Variants in KMT2A observed in about 807,000 individuals in gnomAD.
The protein encoded by KMT2A is lysine methyltransferase 2A.
Under a neutral mutation model 345.3 loss-of-function variants are expected in KMT2A, and 16 were observed. That is an observed-to-expected ratio of 0.05 (90% CI 0.03 to 0.07). The LOEUF (loss-of-function observed/expected upper bound fraction) is 0.07. Ranked by LOEUF, KMT2A falls within the 10% of genes least tolerant of loss-of-function variation. The probability of loss-of-function intolerance (pLI) is 1.00; values close to 1 mark genes in which losing one functional copy is unlikely to be tolerated. For synonymous variants in KMT2A, 1,599 were observed against 1,778.6 expected (o/e 0.90, Z 2.54); for missense variants, 3,272 against 4,841.6 (o/e 0.68, Z 9.62).
rs1307472002 is a variant in KMT2A at position 118,495,001 on chromosome 11, T to C, written c.5363+234T>C. Among the ~76,000 whole-genome samples the C allele has an allele frequency of 6.6e-6, 1 of 152,194 alleles. No homozygotes were observed. The highest frequency in any genetic ancestry group is 1.5e-5 in the Non-Finnish European group (1 of 68,044). ...GGGAGCTTGGTTTAATTGTGACAAA[T>C]GTACAATACATGTGTGGTACAGCCA... is the stretch of plus-strand genomic sequence containing the variant. On this transcript the variant is annotated intron_variant, in intron 18 of 35. Transcript: ENST00000534358. This position sits in a 1 kb window ranked among gnomAD's most constrained non-coding sequence, Gnocchi z 4.1.
At chr11:118,459,791 A>G (rs1197375815) in intron 1 of KMT2A, among the ~76,000 whole-genome samples, 1 of 147,794 alleles carries the variant, frequency 6.8e-6, no homozygotes, top group Non-Finnish European at 1.5e-5. Context: ...GGTTCAAGCA[A>G]TTCTCCTTCC....
At chr11:118,501,882 G>A in intron 26 of KMT2A, 25 bp downstream of exon 26, 1 of 1,562,870 alleles carries the variant, frequency 6.4e-7, no homozygotes, top group Middle Eastern at 1.7e-4. Context: ...TGACCTACTT[G>A]ACCTAAGAAG....
Position 118,484,416 on chromosome 11 carries a change from G to T in KMT2A, c.4218+102G>T. ...TTGAAAGAGGAAATCAGCACCAACT[G>T]GGGGAATGAATAAGAACTCCCATTA... On this transcript the variant is annotated intron_variant, in intron 9 of 35. Transcript: ENST00000534358. This position sits in a 1 kb window ranked among gnomAD's most constrained non-coding sequence, Gnocchi z 4.1. 1 of 1,254,706 alleles carries T rather than the reference G, an allele frequency of 8.0e-7. No homozygotes were observed. 77.7% of individuals were successfully genotyped at this position (1,254,706 alleles called of 1,614,324 possible).
At position 118,525,463 on chromosome 11, in the gene KMT2A, A is replaced by G. The variant is rs573640982; in HGVS notation, c.*3291A>G. ...CCCCTCTGTTTTTACACCAATAACAAGAATTAAGGGGGAAGCCCTGGCAGC... is the reference window on the plus strand; with the variant it reads ...CCCCTCTGTTTTTACACCAATAACAGGAATTAAGGGGGAAGCCCTGGCAGC... On this transcript the variant is annotated 3_prime_UTR_variant, in exon 36 of 36. Coordinates refer to ENST00000534358, the MANE Select transcript of KMT2A (RefSeq NM_001197104.2). The G allele has an allele frequency of 4.4e-6, 1 of 228,028 alleles. No individual in the cohort carries two copies. Among genetic ancestry groups the G allele is most frequent in the East Asian group, 6.3e-5 (1 of 15,946 alleles). The allele number at this position is 228,028 out of a possible 1,614,324, so 14.1% of individuals were successfully genotyped here.
chr11:118,482,130 A>G (rs550762734), intron 7 of KMT2A, 38 bp downstream of exon 7: 7 of 1,554,076 alleles, frequency 4.5e-6, no homozygotes, highest in East Asian at 4.5e-5. Flanking sequence ...CTGAACCACA[A>G]GTACTAACAA....
chr11:118,485,799 A>G (rs1555040709), intron 10 of KMT2A, among the ~76,000 whole-genome samples: 1 of 152,188 alleles, frequency 6.6e-6, no homozygotes, highest in East Asian at 1.9e-4. Context: ...CATAGGGCAT[A>G]TAGCTGGGCA....
intron 1 of KMT2A, among the ~76,000 whole-genome samples, chr11:118,457,521 T>C (rs1949669070): frequency 1.3e-5 from 2 of 152,006 alleles, no homozygotes; most frequent in South Asian, 4.2e-4. Flanking sequence ...TCCACCTGCG[T>C]TGGCCTCCCA....
Position 118,436,508 on chromosome 11 carries a change from C to A in KMT2A, c.-5C>A. 2 of 1,262,042 alleles carry A rather than the reference C, an allele frequency of 1.6e-6. No homozygotes were observed. The highest frequency in any genetic ancestry group is 3.0e-5 in the East Asian group (1 of 32,912). The allele number at this position is 1,262,042 out of a possible 1,614,324, so 78.2% of individuals were successfully genotyped here. ...CCTCTCGCTGCTTCACTTCACGGGGCGAACATGGCGCACAGCTGTCGGTGG... is the reference window on the plus strand; with the variant it reads ...CCTCTCGCTGCTTCACTTCACGGGGAGAACATGGCGCACAGCTGTCGGTGG... On this transcript the variant is annotated 5_prime_UTR_variant, in exon 1 of 36. Transcript: ENST00000534358. The surrounding 1 kb of genome is among the most constrained non-coding windows in gnomAD (Gnocchi z 6.9).
In KMT2A at chr11:118,473,525, C is replaced by T. The variant is rs1389171483; in HGVS notation, c.2366C>T (p.Thr789Ile). The T allele has an allele frequency of 1.2e-6, 2 of 1,614,060 alleles. No homozygotes were observed. Among genetic ancestry groups the T allele is most frequent in the African/African-American group, 2.7e-5 (2 of 74,936 alleles). The change falls in exon 3 of 36, where the codon ACT becomes ATT. Residue 789 changes from threonine to isoleucine, a missense_variant. Transcript: ENST00000534358. The surrounding 1 kb of genome is among the most constrained non-coding windows in gnomAD (Gnocchi z 5.2). ...AGCATTTCTGTTAGTCCTCTTGCCA[C>T]TAGTGCCTTAAACCCAACTTTTACT... Reference protein sequence around the residue: ...SLSISVSPLATSALNPTFTFP... With the variant: ...SLSISVSPLAISALNPTFTFP...
At position 118,523,647 on chromosome 11, in the gene KMT2A, G is replaced by A. The variant is rs181226207; in HGVS notation, c.*1475G>A. On this transcript the variant is annotated 3_prime_UTR_variant, in exon 36 of 36. Transcript: ENST00000534358. ...TTATGACAAGGCTATTTTTTAAACCGCGGTATTATCCTAATTTAAAAGAAG... is the reference window on the plus strand; with the variant it reads ...TTATGACAAGGCTATTTTTTAAACCACGGTATTATCCTAATTTAAAAGAAG... 1.7e-4 allele frequency: 38 copies of A among 227,716 alleles called. No homozygotes were observed. Among genetic ancestry groups the A allele is most frequent in the Admixed American group, 1.1e-3 (20 of 17,580 alleles). The allele number at this position is 227,716 out of a possible 1,614,324, so 14.1% of individuals were successfully genotyped here.
At chr11:118,447,790 G>T in intron 1 of KMT2A, 1 of 262,872 alleles carries the variant, frequency 3.8e-6, no homozygotes, top group Admixed American at 4.9e-5. Context: ...CCATTATTAG[G>T]AATGGTAACC....
rs2134270436 is a variant in KMT2A, at chr11:118,473,732, T to C, written c.2573T>C (p.Leu858Pro). 1 of 1,613,994 alleles carries C rather than the reference T, an allele frequency of 6.2e-7. No homozygotes were observed. Among genetic ancestry groups the C allele is most frequent in the South Asian group, 1.1e-5 (1 of 91,072 alleles). ...AATAAAGACAAGGCCCCCGAGGAGC[T>C]GTCCAAAGATCGAGATGCTGACAAG... ...GRNKDKAPEE[L>P]SKDRDADKSV... Residue 858 changes from leucine (L) to proline (P), a missense_variant, in exon 3 of 36, where the codon CTG becomes CCG. By Grantham distance (98) the Leu-to-Pro change is moderately conservative. Around this residue, in one of 27 missense-constraint regions of KMT2A, gnomAD observed 209 missense variants for 237.4 expected, o/e 0.88. Coordinates refer to ENST00000534358, the MANE Select transcript of KMT2A (RefSeq NM_001197104.2). The surrounding 1 kb of genome is among the most constrained non-coding windows in gnomAD (Gnocchi z 5.2).
Position 118,484,939 on chromosome 11 carries a change from G to T in KMT2A, c.4296G>T (p.Val1432=). ...ILTSVPITPR[V]VCFLCASSGH... ...CTTCTGTTCCTATAACACCCAGGGT[G>T]GTTTGCTTTCTCTGTGCCAGTAGTG... Residue 1432 remains valine (V), a synonymous_variant, in exon 10 of 36, where the codon GTG becomes GTT. Coordinates refer to ENST00000534358, the MANE Select transcript of KMT2A (RefSeq NM_001197104.2). This position sits in a 1 kb window ranked among gnomAD's most constrained non-coding sequence, Gnocchi z 4.1. 6.2e-7 allele frequency: 1 copy of T among 1,613,524 alleles called. No individual in the cohort carries two copies. Among genetic ancestry groups the T allele is most frequent in the Non-Finnish European group, 8.5e-7 (1 of 1,179,712 alleles).
rs534525295 is a variant in KMT2A at position 118,507,942 on chromosome 11, G to A, written c.10835+333G>A. Reference sequence around the variant, plus strand: ...CGCGCCACTGCACTCCAGCCTGGGCGATAGAGCAAGACTCCGTTTCCAAAA... The same window carrying A: ...CGCGCCACTGCACTCCAGCCTGGGCAATAGAGCAAGACTCCGTTTCCAAAA... On this transcript the variant is annotated intron_variant, in intron 28 of 35. Coordinates refer to ENST00000534358, the MANE Select transcript of KMT2A (RefSeq NM_001197104.2). 3.3e-5 allele frequency among the ~76,000 whole-genome samples: 5 copies of A among 152,226 alleles called. No homozygotes were observed. In the South Asian group the frequency reaches 8.3e-4, roughly 25 times the overall value.
In KMT2A at chr11:118,520,311, T is replaced by C; in HGVS notation, c.11429+247T>C. 2.0e-6 allele frequency: 1 copy of C among 491,404 alleles called. No homozygotes were observed. Among genetic ancestry groups the C allele is most frequent in the Admixed American group, 3.7e-5 (1 of 27,072 alleles). 30.4% of individuals were successfully genotyped at this position (491,404 alleles called of 1,614,324 possible). ...TGATAGTATACTCTGTCAGCTTTGGTTGTACCACCATAGTTGTCATGGTCA... is the reference window on the plus strand; with the variant it reads ...TGATAGTATACTCTGTCAGCTTTGGCTGTACCACCATAGTTGTCATGGTCA... On this transcript the variant is annotated intron_variant, in intron 33 of 35. Coordinates refer to ENST00000534358, the MANE Select transcript of KMT2A (RefSeq NM_001197104.2). This position sits in a 1 kb window ranked among gnomAD's most constrained non-coding sequence, Gnocchi z 4.3.
chr11:118,514,440 CTT>C (rs797029052), intron 31 of KMT2A, among the ~76,000 whole-genome samples: 3 of 141,842 alleles, frequency 2.1e-5, no homozygotes, highest in African/African-American at 2.6e-5. Flanking sequence ...ATCCATGTGT[CTT>C]TTTTTTTTTT....
intron 31 of KMT2A, 70 bp downstream of exon 31, chr11:118,512,095 T>A: frequency 7.1e-7 from 1 of 1,409,648 alleles, no homozygotes. Context: ...TAAGGCAGAG[T>A]TGATTCTGTG....
chr11:118,443,394 A>G (rs1949353602), intron 1 of KMT2A, among the ~76,000 whole-genome samples: 1 of 152,200 alleles, frequency 6.6e-6, no homozygotes, highest in Non-Finnish European at 1.5e-5. Context: ...AAATATTTCA[A>G]TGAGTTTTTT....
Position 118,504,973 on chromosome 11 carries a change from G to C in KMT2A, c.9081G>C (p.Arg3027Ser), listed in dbSNP as rs1555047497. The C allele has an allele frequency of 6.2e-7, 1 of 1,614,076 alleles. No individual in the cohort carries two copies. The highest frequency in any genetic ancestry group is 1.1e-5 in the South Asian group (1 of 91,072). The change falls in exon 27 of 36, where the codon AGG (arginine) becomes AGC (serine). Residue 3027 changes from arginine (R) to serine (S), a missense_variant. Arg to Ser is a moderately radical substitution (Grantham distance 110). Transcript: ENST00000534358. This position sits in a 1 kb window ranked among gnomAD's most constrained non-coding sequence, Gnocchi z 6.4. ...QGHGNNQDLT[R>S]NSSTPGLQVP... is the part of the protein sequence containing the mutation. ...ATGGCAACAATCAGGATTTAACTAG[G>C]AACAGTAGCACCCCTGGCCTTCAGG...
Sources: gnomAD v4.1 joint callset for allele counts (sites outside exome capture counted in the v4.1 genomes callset) on GRCh38, gnomAD v4.1.1 for gene constraint, gnomAD v4.1.1 regional missense constraint, Gnocchi (gnomAD v3.1) non-coding constraint, MANE v1.5 for transcripts, NCBI Gene and HGNC (gene_info 2026-07-23, HGNC 2026-07-21) for gene names.